The following CLSTN1 variants were observed in gnomAD, a reference collection of about 807,000 sequenced individuals.
CLSTN1 encodes calsyntenin-1.
Under a neutral mutation model 108.3 loss-of-function variants are expected in CLSTN1, and 28 were observed. The observed-to-expected ratio is 0.26, with a 90% confidence interval of 0.19 to 0.35. The LOEUF (loss-of-function observed/expected upper bound fraction) is 0.35. CLSTN1 is among the 10% of genes least tolerant of loss of function. The pLI is 1.00. For synonymous variants in CLSTN1, 524 were observed against 534.9 expected (o/e 0.98, Z 0.28); for missense variants, 1,157 against 1,302.6 (o/e 0.89, Z 1.72).
chr1:9,752,770 G>A (rs555918741), intron 4 of CLSTN1, among the ~76,000 whole-genome samples: 3 of 152,166 alleles, frequency 2.0e-5, no homozygotes, highest in Non-Finnish European at 2.9e-5. Context: ...GCTGAGGCAC[G>A]AGAATCGCTT....
At chr1:9,754,746 G>T (rs1651728619) in intron 4 of CLSTN1, among the ~76,000 whole-genome samples, 2 of 152,144 alleles carry the variant, frequency 1.3e-5, no homozygotes, top group African/African-American at 4.8e-5. Context: ...TCCCAGCTAT[G>T]TGGGAGGTTG....
upstream of CLSTN1, chr1:9,824,363 C>G (rs1270901397): frequency 6.6e-6 from 1 of 152,112 alleles, no homozygotes; most frequent in African/African-American, 2.4e-5. The surrounding 1 kb of genome is among the most constrained non-coding windows in gnomAD (Gnocchi z 5.0). Context: ...ACCCCGAGGA[C>G]TCATCCTTCC....
chr1:9,770,210 T>C (rs868605925), intron 2 of CLSTN1, among the ~76,000 whole-genome samples: 1 of 152,198 alleles, frequency 6.6e-6, no homozygotes, highest in African/African-American at 2.4e-5. Context: ...TGGATTTAAA[T>C]TGCTTTTCTA....
intron 11 of CLSTN1, among the ~76,000 whole-genome samples, 160 bp from the exon 12 acceptor site, chr1:9,736,202 G>A (rs539304882): frequency 4.6e-5 from 7 of 152,318 alleles, no homozygotes; most frequent in South Asian, 2.1e-4. Context: ...ACATGGAAGC[G>A]CAATGAAGAA....
chr1:9,809,645 G>A (rs1052442946), intron 1 of CLSTN1, among the ~76,000 whole-genome samples: 1 of 152,074 alleles, frequency 6.6e-6, no homozygotes, highest in African/African-American at 2.4e-5. Flanking sequence ...GCTCACGTCT[G>A]TAATCTTAGC....
intron 5 of CLSTN1, 88 bp downstream of exon 5, chr1:9,751,385 C>T: frequency 7.8e-7 from 1 of 1,288,514 alleles, no homozygotes. Context: ...CCATGAAGTT[C>T]TGACGAAGCA....
intron 7 of CLSTN1, among the ~76,000 whole-genome samples, chr1:9,748,048 A>G (rs1230090171): frequency 6.6e-6 from 1 of 151,982 alleles, no homozygotes; most frequent in Non-Finnish European, 1.5e-5. Flanking sequence ...TGTCTAAAAA[A>G]AAAAAAAAGA....
intron 1 of CLSTN1, among the ~76,000 whole-genome samples, chr1:9,796,273 A>C (rs113504335): frequency 3.5e-5 from 5 of 142,676 alleles, no homozygotes; most frequent in African/African-American, 1.5e-4. Context: ...AAACAAAAAA[A>C]AAAACAAAAA....
chr1:9,758,317 T>C (rs1324036559), intron 2 of CLSTN1, among the ~76,000 whole-genome samples: 1 of 150,274 alleles, frequency 6.7e-6, no homozygotes, highest in African/African-American at 2.5e-5. Flanking sequence ...ATGACTTGCT[T>C]CTTTTTCTTT....
At chr1:9,789,924 A>G (rs1036163660) in intron 1 of CLSTN1, among the ~76,000 whole-genome samples, 2 of 151,446 alleles carry the variant, frequency 1.3e-5, no homozygotes, top group African/African-American at 4.8e-5. Flanking sequence ...GGCTGCAATG[A>G]GTCATAACTG....
chr1:9,771,800 G>A (rs1652696491), intron 2 of CLSTN1, among the ~76,000 whole-genome samples: 1 of 152,072 alleles, frequency 6.6e-6, no homozygotes, highest in African/African-American at 2.4e-5. Flanking sequence ...TGGTTCACGG[G>A]TGACTGTGCT....
rs1299037672 is a variant in CLSTN1 at position 9,773,333 on chromosome 1, G to T, written c.153C>A (p.Asn51Lys). 1.9e-6 allele frequency: 3 copies of T among 1,614,208 alleles called. No homozygotes were observed. In the South Asian group the frequency reaches 3.3e-5, roughly 18 times the overall value. ...TCAGTGGGGGGTCGAGGAGCACGGT[G>T]TTGTCGTTCTCTGTGACTATGCCGT... ...TYHGIVTEND[N>K]TVLLDPPLIA... The change falls in exon 2 of 19, where the codon AAC becomes AAA. Residue 51 changes from asparagine to lysine, a missense_variant. Transcript: ENST00000377298.
rs202047863 is a variant in CLSTN1, at chr1:9,749,017, G to GC, written c.985+443dup. Among the ~76,000 whole-genome samples, 731 of 151,874 alleles carry GC rather than the reference G, an allele frequency of 4.8e-3. 3 individuals are homozygous for GC. The highest frequency in any genetic ancestry group is 0.016 in the African/African-American group (657 of 41,392). On this transcript the variant is annotated intron_variant, in intron 7 of 18. Transcript: ENST00000377298. ...CCTCCCGGGCTCAGGTGATCCTCCC[G>GC]CTCAGCCTCCCAAGTAACTGGAACT...
At position 9,735,075 on chromosome 1, in the gene CLSTN1, G is replaced by C. The variant is rs1325148200; in HGVS notation, c.1983C>G (p.His661Gln). 6.2e-7 allele frequency: 1 copy of C among 1,614,226 alleles called. No homozygotes were observed. The highest frequency in any genetic ancestry group is 2.2e-5 in the East Asian group (1 of 44,884). The change falls in exon 14 of 19, where the codon CAC becomes CAG. Residue 661 changes from histidine to glutamine, a missense_variant. Coordinates refer to ENST00000377298, the MANE Select transcript of CLSTN1 (RefSeq NM_001009566.3). Reference protein sequence around the residue: ...EEPKISLSGVHHFARAASEFE... With the variant: ...EEPKISLSGVQHFARAASEFE... ...ATTCAGAAGCTGCTCGGGCAAAATG[G>C]TGGACGCCACTCAGGCTGATCTTGG...
intron 10 of CLSTN1, among the ~76,000 whole-genome samples, chr1:9,740,505 G>C (rs1004283332): frequency 6.6e-6 from 1 of 152,216 alleles, no homozygotes; most frequent in African/African-American, 2.4e-5. Context: ...CGTGTATAAA[G>C]GAGTTGGCAC....
chr1:9,816,520 C>G (rs1654977348), intron 1 of CLSTN1, among the ~76,000 whole-genome samples: 1 of 148,908 alleles, frequency 6.7e-6, no homozygotes. Flanking sequence ...TGAACTATAC[C>G]TCAATAAAGC....
intron 2 of CLSTN1, among the ~76,000 whole-genome samples, chr1:9,770,515 C>T (rs1182737161): frequency 1.3e-5 from 2 of 152,216 alleles, no homozygotes; most frequent in Non-Finnish European, 2.9e-5. Context: ...TGGAGCCCTG[C>T]CTCTGCACCC....
At chr1:9,756,180 TC>T (rs1329713466) in intron 3 of CLSTN1, among the ~76,000 whole-genome samples, 1 of 152,226 alleles carries the variant, frequency 6.6e-6, no homozygotes, top group Non-Finnish European at 1.5e-5. Context: ...AAGACTGCAC[TC>T]CTTCCACAAT....
chr1:9,776,211 G>A (rs1570478973), intron 1 of CLSTN1, among the ~76,000 whole-genome samples: 3 of 151,814 alleles, frequency 2.0e-5, no homozygotes, highest in South Asian at 2.1e-4. Context: ...CTCGTGTTCC[G>A]CCCACCTCGC....
Sources: allele counts gnomAD v4.1 joint callset (sites outside exome capture counted in the v4.1 genomes callset), GRCh38; gene constraint gnomAD v4.1.1; non-coding constraint Gnocchi (gnomAD v3.1); transcripts MANE v1.5; gene names NCBI Gene and HGNC (gene_info 2026-07-23, HGNC 2026-07-21).